HSD11B1: variants seen among roughly 807,000 people sequenced by gnomAD.
The protein encoded by HSD11B1 is hydroxysteroid 11-beta dehydrogenase 1, also known as 11-beta-hydroxysteroid dehydrogenase 1.
HSD11B1 carries 15 observed loss-of-function variants against 22.1 expected under a neutral mutation model. The observed-to-expected ratio is 0.68, with a 90% CI of 0.45 to 1.04. HSD11B1 has a LOEUF of 1.04. Among genes scored for constraint, HSD11B1 ranks in the 50% least tolerant of loss-of-function variants. The probability of loss-of-function intolerance (pLI) is 0.00; values close to 1 mark genes in which losing one functional copy is unlikely to be tolerated. For missense variants in HSD11B1, 281 were observed against 357.6 expected (o/e 0.79, Z 1.73); for synonymous variants, 122 against 125.2 (o/e 0.97, Z 0.17).
intron 1 of HSD11B1, among the ~76,000 whole-genome samples, chr1:209,689,450 A>G (rs1415858553): frequency 1.3e-5 from 2 of 152,280 alleles, no homozygotes; most frequent in East Asian, 3.9e-4. Context: ...GACTACAAAG[A>G]TCACCAGGTG....
At chr1:209,723,783 G>A (rs1359138895) in intron 4 of HSD11B1, among the ~76,000 whole-genome samples, 2 of 152,202 alleles carry the variant, frequency 1.3e-5, no homozygotes, top group South Asian at 2.1e-4. Flanking sequence ...AGAGGATAAG[G>A]AGTAGGAAAG....
At chr1:209,696,409 G>A (rs1311364687) in intron 1 of HSD11B1, among the ~76,000 whole-genome samples, 1 of 152,196 alleles carries the variant, frequency 6.6e-6, no homozygotes, top group Admixed American at 6.5e-5. Context: ...TGATGAATTT[G>A]AGATGTTTAG....
intron 4 of HSD11B1, among the ~76,000 whole-genome samples, chr1:209,713,130 G>A (rs942069668): frequency 3.3e-5 from 5 of 152,212 alleles, no homozygotes; most frequent in Non-Finnish European, 7.3e-5. Flanking sequence ...ATTAGTCACA[G>A]ATTTAGGTAC....
At chr1:209,695,338 AG>A (rs1421853121) in intron 1 of HSD11B1, among the ~76,000 whole-genome samples, 1 of 152,228 alleles carries the variant, frequency 6.6e-6, no homozygotes, top group East Asian at 1.9e-4. Flanking sequence ...AGAGATACTT[AG>A]GAGGTAGAAT....
chr1:209,709,665 C>A (rs1269799981), intron 4 of HSD11B1, among the ~76,000 whole-genome samples: 1 of 152,238 alleles, frequency 6.6e-6, no homozygotes, highest in South Asian at 2.1e-4. Context: ...ACCTGCATGT[C>A]CAAGATGGCT....
chr1:209,705,722 T>C (rs2076854219), intron 1 of HSD11B1, 89 bp from the exon 2 acceptor site: 5 of 1,522,228 alleles, frequency 3.3e-6, no homozygotes, highest in Non-Finnish European at 2.7e-6. Flanking sequence ...AAGTTACAAA[T>C]TGCGATAAGC....
At chr1:209,727,445 C>A (rs942969215) in intron 4 of HSD11B1, among the ~76,000 whole-genome samples, 20 of 152,178 alleles carry the variant, frequency 1.3e-4, no homozygotes, top group Non-Finnish European at 2.9e-4. Flanking sequence ...TGGGTATCCT[C>A]ATCTGTCAGC....
At chr1:209,697,710 G>A (rs2076798806) in intron 1 of HSD11B1, among the ~76,000 whole-genome samples, 1 of 152,024 alleles carries the variant, frequency 6.6e-6, no homozygotes, top group Admixed American at 6.6e-5. Context: ...TTTGGTAAAG[G>A]TAGACCAGAT....
chr1:209,728,596 A>C (rs1193199725), intron 4 of HSD11B1, among the ~76,000 whole-genome samples: 1 of 152,198 alleles, frequency 6.6e-6, no homozygotes, highest in Non-Finnish European at 1.5e-5. Flanking sequence ...AATTATTGAC[A>C]TAACTGGAAG....
Position 209,734,438 on chromosome 1 carries a change from C to A in HSD11B1, c.796C>A (p.Leu266Ile), listed in dbSNP as rs2077054980. The A allele has an allele frequency of 1.2e-6, 2 of 1,614,010 alleles. No individual in the cohort carries two copies. Among genetic ancestry groups the A allele is most frequent in the South Asian group, 1.1e-5 (1 of 91,076 alleles). The change falls in exon 6 of 6, where the codon CTT (leucine) becomes ATT (isoleucine). Residue 266 changes from leucine (L) to isoleucine (I), a missense_variant. Coordinates refer to ENST00000367027, the MANE Select transcript of HSD11B1 (RefSeq NM_005525.4). ...VYYDSSLWTT[L>I]LIRNPCRKIL... ...TTATGACAGCTCACTCTGGACCACT[C>A]TTCTGATCAGAAATCCATGCAGGAA...
intron 4 of HSD11B1, among the ~76,000 whole-genome samples, chr1:209,731,691 T>C (rs1263721811): frequency 2.0e-5 from 3 of 152,136 alleles, no homozygotes; most frequent in African/African-American, 7.2e-5. Context: ...AAAGCGGCTT[T>C]GGGTAGAAAA....
chr1:209,707,020 C>T lies in HSD11B1; in HGVS notation c.409C>T (p.Arg137Cys), dbSNP rs387907168. The change falls in exon 4 of 6, where the codon CGC (arginine) becomes TGC (cysteine). Residue 137 changes from arginine (R) to cysteine (C), a missense_variant. By Grantham distance (180) the Arg-to-Cys change is radical (BLOSUM62 -3). Transcript: ENST00000367027. ...TTTTCATGATGATATTCACCATGTG[C>T]GCAAAAGCATGGAAGTCAACTTCCT... ...NLFHDDIHHVRKSMEVNFLSY... is the reference protein window; with the variant it reads ...NLFHDDIHHVCKSMEVNFLSY... 17 of 1,613,746 alleles carry T rather than the reference C, an allele frequency of 1.1e-5. No individual in the cohort carries two copies. The highest frequency in any genetic ancestry group is 2.2e-5 in the South Asian group (2 of 91,076).
In HSD11B1 at chr1:209,734,801, AAT is replaced by A. The variant is rs2077057327; in HGVS notation, c.*283_*284del. The A allele has an allele frequency of 1.6e-5, 3 of 190,806 alleles. No individual in the cohort carries two copies. In the Admixed American group the frequency reaches 1.7e-4, roughly 11 times the overall value. 11.8% of individuals were successfully genotyped at this position (190,806 alleles called of 1,614,324 possible). On this transcript the variant is annotated 3_prime_UTR_variant, in exon 6 of 6. Transcript: ENST00000367027. The stretch of plus-strand genomic sequence containing the variant: ...ATTAAATTTATATCTTATATATAAT[AAT>A]ATGTGATGATTAATACAATATTAAT...
intron 4 of HSD11B1, among the ~76,000 whole-genome samples, chr1:209,714,403 G>T (rs969604203): frequency 2.0e-5 from 3 of 152,158 alleles, no homozygotes; most frequent in African/African-American, 4.8e-5. Flanking sequence ...TCTCCTTAAA[G>T]GCAGGCACAT....
intron 4 of HSD11B1, among the ~76,000 whole-genome samples, chr1:209,709,937 A>C (rs1332245881): frequency 1.4e-5 from 2 of 143,792 alleles, no homozygotes; most frequent in Admixed American, 6.9e-5. Flanking sequence ...CCACATGTGA[A>C]ACACACACAC....
intron 4 of HSD11B1, among the ~76,000 whole-genome samples, chr1:209,723,782 G>A (rs2076982947): frequency 6.6e-6 from 1 of 152,176 alleles, no homozygotes; most frequent in South Asian, 2.1e-4. Context: ...AAGAGGATAA[G>A]GAGTAGGAAA....
intron 1 of HSD11B1, among the ~76,000 whole-genome samples, chr1:209,686,725 A>G (rs1486836045): frequency 6.6e-6 from 1 of 152,270 alleles, no homozygotes; most frequent in Non-Finnish European, 1.5e-5. Context: ...ACTATGCTGT[A>G]TCTTGGGAAG....
intron 4 of HSD11B1, among the ~76,000 whole-genome samples, chr1:209,718,711 C>T (rs1414839255): frequency 6.6e-6 from 1 of 152,054 alleles, no homozygotes; most frequent in African/African-American, 2.4e-5. Flanking sequence ...GTGATCCAGC[C>T]ATTCTATTTC....
intron 1 of HSD11B1, among the ~76,000 whole-genome samples, chr1:209,696,323 TA>T (rs1188491077): frequency 3.3e-5 from 5 of 152,220 alleles, no homozygotes; most frequent in Admixed American, 1.3e-4. Context: ...ATTGTACACT[TA>T]AAATGAGATA....
Sources: allele counts gnomAD v4.1 joint callset (sites outside exome capture counted in the v4.1 genomes callset), GRCh38; gene constraint gnomAD v4.1.1; transcripts MANE v1.5; gene names NCBI Gene and HGNC (gene_info 2026-07-23, HGNC 2026-07-21).